The following PKD2 variants were observed in gnomAD, a reference collection of about 807,000 sequenced individuals.
The protein encoded by PKD2 is polycystin-2.
A neutral mutation model predicts 105.9 loss-of-function variants in PKD2; 48 were observed. The ratio of observed to expected loss-of-function variants is 0.45; its 90% confidence interval spans 0.36 to 0.58. The LOEUF (loss-of-function observed/expected upper bound fraction) is 0.58, where lower values mean the gene tolerates loss of function less well. Ranked by LOEUF, PKD2 falls within the 20% of genes least tolerant of loss-of-function variation. The pLI is 0.00. For missense variants in PKD2, 1,078 were observed against 1,255.3 expected (o/e 0.86, Z 2.13); for synonymous variants, 464 against 481.1 (o/e 0.96, Z 0.46).
intron 1 of PKD2, among the ~76,000 whole-genome samples, chr4:88,008,950 G>T (rs1269950748): frequency 6.6e-6 from 1 of 152,094 alleles, no homozygotes; most frequent in East Asian, 1.9e-4. Flanking sequence ...TTATTTGGCC[G>T]TTTCTAATTC....
intron 8 of PKD2, among the ~76,000 whole-genome samples, chr4:88,057,484 A>G (rs1253593579): frequency 1.4e-5 from 2 of 143,780 alleles, no homozygotes; most frequent in African/African-American, 5.2e-5. Context: ...CGCCCAAGCT[A>G]GAGTGCAGCG....
At chr4:88,031,252 C>T (rs560380418) in intron 2 of PKD2, among the ~76,000 whole-genome samples, 45 of 152,310 alleles carry the variant, frequency 3.0e-4, no homozygotes, top group African/African-American at 1.1e-3. Flanking sequence ...CTGTGTTGCT[C>T]ATTCAGTAGG....
chr4:88,042,128 A>G (rs1727587009), intron 4 of PKD2, among the ~76,000 whole-genome samples: 1 of 152,212 alleles, frequency 6.6e-6, no homozygotes, highest in South Asian at 2.1e-4. Context: ...TCCCATTTGT[A>G]TTAGTCTGGT....
intron 2 of PKD2, among the ~76,000 whole-genome samples, chr4:88,025,283 C>T (rs1726914867): frequency 6.6e-6 from 1 of 152,038 alleles, no homozygotes; most frequent in African/African-American, 2.4e-5. Context: ...CATAGCAAGA[C>T]TTTGTCTCTA....
At chr4:88,069,528 T>C (rs762789967) in intron 13 of PKD2, among the ~76,000 whole-genome samples, 7 of 152,112 alleles carry the variant, frequency 4.6e-5, no homozygotes, top group Non-Finnish European at 8.8e-5. Context: ...TCCAGTGAGA[T>C]ATAGAAATCA....
At chr4:88,070,736 A>T (rs1424895420) in intron 13 of PKD2, among the ~76,000 whole-genome samples, 1 of 151,134 alleles carries the variant, frequency 6.6e-6, no homozygotes, top group Non-Finnish European at 1.5e-5. Context: ...GGCTCAAATG[A>T]TCCTCCTGCC....
At chr4:88,008,412 C>G in intron 1 of PKD2, 84 bp downstream of exon 1, 1 of 1,438,870 alleles carries the variant, frequency 6.9e-7, no homozygotes. Context: ...GCGGCAGCTC[C>G]CCGGGCTCCA....
At chr4:88,029,040 G>A (rs1402523549) in intron 2 of PKD2, among the ~76,000 whole-genome samples, 3 of 152,152 alleles carry the variant, frequency 2.0e-5, no homozygotes, top group African/African-American at 2.4e-5. Context: ...GGGTTTTAGT[G>A]ACTGTATTTC....
At chr4:88,025,124 A>C (rs1406412049) in intron 2 of PKD2, among the ~76,000 whole-genome samples, 1 of 151,776 alleles carries the variant, frequency 6.6e-6, no homozygotes, top group African/African-American at 2.4e-5. Flanking sequence ...TGGGCGACAG[A>C]ACGAGACTCT....
At chr4:88,043,174 A>G in intron 4 of PKD2, 59 bp from the exon 5 acceptor site, 1 of 1,080,142 alleles carries the variant, frequency 9.3e-7, no homozygotes, top group South Asian at 1.3e-5. Context: ...TGTCCTTGTA[A>G]TTGCCTCAAG....
chr4:88,070,597 TATATAG>T (rs1472704123), intron 13 of PKD2, among the ~76,000 whole-genome samples: 93 of 99,124 alleles, frequency 9.4e-4, no homozygotes, highest in Admixed American at 1.1e-3. Flanking sequence ...TATATATATA[TATATAG>T]AGAGAGAGAG....
intron 14 of PKD2, 48 bp downstream of exon 14, chr4:88,075,007 A>C (rs1450805812): frequency 6.3e-7 from 1 of 1,598,326 alleles, no homozygotes; most frequent in Non-Finnish European, 8.6e-7. Context: ...TGGTGTTATT[A>C]ATGAAAATAT....
At chr4:88,031,918 T>C (rs1727170365) in intron 2 of PKD2, among the ~76,000 whole-genome samples, 1 of 152,236 alleles carries the variant, frequency 6.6e-6, no homozygotes, top group Non-Finnish European at 1.5e-5. Flanking sequence ...ATTCACCTTA[T>C]AATGTCCTCT....
intron 2 of PKD2, among the ~76,000 whole-genome samples, chr4:88,023,040 C>T (rs993134234): frequency 1.3e-5 from 2 of 152,046 alleles, no homozygotes; most frequent in African/African-American, 4.8e-5. Context: ...ATGATTGCAA[C>T]ACTGCACTCC....
rs1727322381 is a variant in PKD2, at chr4:88,036,156, C to A, written c.710-64C>A. 4.3e-6 allele frequency: 7 copies of A among 1,613,078 alleles called. No homozygotes were observed. In the Admixed American group the frequency reaches 1.0e-4, roughly 23 times the overall value. On this transcript the variant is annotated intron_variant, in intron 2 of 14. Transcript: ENST00000237596. ...CACAGGAACAATCCCTTTGTGAAGG[C>A]TGCTGGTATGTGAATGTGTGCCGGT...
intron 12 of PKD2, 116 bp downstream of exon 12, chr4:88,065,995 C>T (rs997454334): frequency 1.3e-6 from 1 of 747,500 alleles, no homozygotes; most frequent in African/African-American, 1.7e-5. Context: ...ACCACACTCT[C>T]TCTCTCTCTC....
chr4:88,019,469 A>T lies in PKD2; in HGVS notation c.607A>T (p.Thr203Ser), dbSNP rs747127796. The stretch of plus-strand genomic sequence containing the variant: ...TTATTATTTTAAAGGTCTCTGGGGA[A>T]CAAGACTCATGGAGGAAAGCAGCAC... Reference protein sequence around the residue: ...LVRGLRGLWGTRLMEESSTNR... With the variant: ...LVRGLRGLWGSRLMEESSTNR... The change falls in exon 2 of 15, where the codon ACA (threonine) becomes TCA (serine). Residue 203 changes from threonine (T) to serine (S), a missense_variant. Physicochemically the swap from Thr to Ser is moderately conservative, Grantham distance 58 (BLOSUM62 1). Around this residue, in one of 2 missense-constraint regions of PKD2, gnomAD observed 868 missense variants for 1,067.3 expected, o/e 0.81. Coordinates refer to ENST00000237596, the MANE Select transcript of PKD2 (RefSeq NM_000297.4). 1.3e-6 allele frequency: 2 copies of T among 1,569,018 alleles called. No homozygotes were observed. The highest frequency in any genetic ancestry group is 1.8e-6 in the Non-Finnish European group (2 of 1,138,870).
chr4:88,020,907 G>A (rs1176655061), intron 2 of PKD2, among the ~76,000 whole-genome samples: 1 of 151,942 alleles, frequency 6.6e-6, no homozygotes, highest in Non-Finnish European at 1.5e-5. Context: ...GCCTATACTG[G>A]TCTCCAGCTC....
At position 88,068,000 on chromosome 4, in the gene PKD2, G is replaced by A. The variant is rs1720860603; in HGVS notation, c.2461G>A (p.Gly821Arg). 1.9e-6 allele frequency: 3 copies of A among 1,613,908 alleles called. No homozygotes were observed. The highest frequency in any genetic ancestry group is 8.5e-7 in the Non-Finnish European group (1 of 1,179,898). Residue 821 changes from glycine (G) to arginine (R), a missense_variant, in exon 13 of 15, where the codon GGA becomes AGA. This residue lies in a region of PKD2 where 868 missense variants were observed against 1,067.3 expected (regional missense o/e 0.81). Transcript: ENST00000237596. ...DSEEDDDEDSGHSSRRRGSIS... is the reference protein window; with the variant it reads ...DSEEDDDEDSRHSSRRRGSIS... ...TGAGGAGGATGACGATGAAGATAGC[G>A]GACATAGCTCCAGAAGGAGGGGAAG...
Sources: gnomAD v4.1 joint callset for allele counts (sites outside exome capture counted in the v4.1 genomes callset) on GRCh38, gnomAD v4.1.1 for gene constraint, gnomAD v4.1.1 regional missense constraint, MANE v1.5 for transcripts, NCBI Gene and HGNC (gene_info 2026-07-23, HGNC 2026-07-21) for gene names.